Variants in COPE observed in about 807,000 individuals in gnomAD.
The protein encoded by COPE is coatomer subunit epsilon.
COPE carries 19 observed loss-of-function variants against 42.1 expected under a neutral mutation model. That is an observed-to-expected ratio of 0.45 (90% CI 0.31 to 0.66). COPE has a LOEUF of 0.66. Ranked by LOEUF, COPE falls within the 30% of genes least tolerant of loss-of-function variation. The pLI, the probability that COPE is intolerant of heterozygous loss-of-function variation, is 0.05. For missense variants in COPE, 402 were observed against 416.1 expected (o/e 0.97, Z 0.30); for synonymous variants, 195 against 181.3 (o/e 1.08, Z -0.60).
At position 18,911,070 on chromosome 19, in the gene COPE, C is replaced by G; in HGVS notation, c.191G>C (p.Arg64Thr). 1 of 1,613,854 alleles carries G rather than the reference C, an allele frequency of 6.2e-7. No homozygotes were observed. Residue 64 changes from arginine (R) to threonine (T), a missense_variant and splice_region_variant, in exon 3 of 10, where the codon AGG (arginine) becomes ACG (threonine). Coordinates refer to ENST00000262812, the MANE Select transcript of COPE (RefSeq NM_007263.4). Reference protein sequence around the residue: ...VFLYRAYLAQRKFGVVLDEIK... With the variant: ...VFLYRAYLAQTKFGVVLDEIK... The stretch of plus-strand genomic sequence containing the variant: ...CTCATCCAGGACCACACCGAACTTC[C>G]TCTGCAGTAGGGACGAGGCGTCAGC...
chr19:18,919,109 C>T (rs1238548428), intron 1 of COPE, 114 bp downstream of exon 1: 2 of 1,191,708 alleles, frequency 1.7e-6, no homozygotes, highest in African/African-American at 1.5e-5. Flanking sequence ...AGAGGTGGCC[C>T]AAAAAACGCG....
At position 18,900,442 on chromosome 19, in the gene COPE, C is replaced by T. The variant is rs1449749440; in HGVS notation, c.743G>A (p.Gly248Asp). ...GAGGTTGACCAGCGTCTCTGGGTAG[C>T]CACTATCCTGGAGACACAGGCAGAC... Reference protein sequence around the residue: ...LLQEALDKDSGYPETLVNLIV... With the variant: ...LLQEALDKDSDYPETLVNLIV... The change falls in exon 8 of 10, where the codon GGC becomes GAC. Residue 248 changes from glycine (G) to aspartate (D), a missense_variant. Gly to Asp is a moderately conservative substitution (Grantham distance 94, BLOSUM62 -1). Coordinates refer to ENST00000262812, the MANE Select transcript of COPE (RefSeq NM_007263.4). 1.3e-6 allele frequency: 2 copies of T among 1,548,634 alleles called. No individual in the cohort carries two copies. Among genetic ancestry groups the T allele is most frequent in the South Asian group, 1.2e-5 (1 of 83,918 alleles).
chr19:18,911,183 T>A (rs1601228323), intron 2 of COPE, 112 bp from the exon 3 acceptor site: 1 of 928,180 alleles, frequency 1.1e-6, no homozygotes, highest in Non-Finnish European at 1.8e-6. Context: ...CAGGGACCCC[T>A]CAGCCCAGCA....
At position 18,906,964 on chromosome 19, in the gene COPE, C is replaced by A; in HGVS notation, c.439G>T (p.Glu147Ter). 6.4e-7 allele frequency: 1 copy of A among 1,557,974 alleles called. No homozygotes were observed. The highest frequency in any genetic ancestry group is 8.7e-7 in the Non-Finnish European group (1 of 1,151,384). The change falls in exon 4 of 10, where the codon GAG becomes TAG. Residue 147 changes from glutamate (E) to a stop codon, truncating the protein, a stop_gained. Transcript: ENST00000262812. LOFTEE classifies it high-confidence loss of function. ...CAGAGCAGGGAGGCCACTCACCACT[C>A]CAGGCTGTCCCCCTGGTGCAGCGCA... is the stretch of plus-strand genomic sequence containing the variant. The part of the protein sequence containing the change: ...LRALHQGDSL[E>*]CTAMTVQILL...
intron 1 of COPE, among the ~76,000 whole-genome samples, chr19:18,917,241 CTTTTTTT>C (rs531312180): frequency 1.8e-4 from 20 of 110,700 alleles, no homozygotes; most frequent in African/African-American, 5.8e-4. Flanking sequence ...TTCTTTTTTT[CTTTTTTT>C]TTTTTTTTTT....
chr19:18,902,402 C>T (rs2056708101), intron 7 of COPE, among the ~76,000 whole-genome samples: 1 of 151,336 alleles, frequency 6.6e-6, no homozygotes, highest in African/African-American at 2.4e-5. Flanking sequence ...TGGTGGCTCA[C>T]GCCTATAATC....
chr19:18,899,593 G>T lies in COPE; in HGVS notation c.*86C>A. ...GTGGGCTCCTGCCCCCAGAGGGGATGCAGGTGGATGCCGGGTGGGGAGGGC... is the reference window on the plus strand; with the variant it reads ...GTGGGCTCCTGCCCCCAGAGGGGATTCAGGTGGATGCCGGGTGGGGAGGGC... On this transcript the variant is annotated 3_prime_UTR_variant, in exon 10 of 10. Coordinates refer to ENST00000262812, the MANE Select transcript of COPE (RefSeq NM_007263.4). 1 of 1,439,002 alleles carries T rather than the reference G, an allele frequency of 6.9e-7. No individual in the cohort carries two copies. Among genetic ancestry groups the T allele is most frequent in the Non-Finnish European group, 9.7e-7 (1 of 1,025,704 alleles). The allele number at this position is 1,439,002 out of a possible 1,614,324, so 89.1% of individuals were successfully genotyped here. A position where few individuals can be genotyped will look rare whatever the true frequency, so the allele number is the denominator to read the frequency against.
intron 4 of COPE, chr19:18,906,748 C>T: frequency 1.9e-6 from 1 of 537,452 alleles, no homozygotes; most frequent in South Asian, 2.7e-5. Context: ...AGCCTGGGCA[C>T]CGTGTCCTTG....
intron 1 of COPE, among the ~76,000 whole-genome samples, chr19:18,917,146 C>G (rs1306150449): frequency 6.7e-6 from 1 of 150,134 alleles, no homozygotes; most frequent in Non-Finnish European, 1.5e-5. Flanking sequence ...TCCATCATCT[C>G]TGTGTCTCAA....
Position 18,906,946 on chromosome 19 carries a change from G to A in COPE, c.443+14C>T, listed in dbSNP as rs766480770. The A allele has an allele frequency of 9.0e-6, 14 of 1,550,606 alleles. No homozygotes were observed. The highest frequency in any genetic ancestry group is 1.2e-5 in the South Asian group (1 of 84,160). ...GCCTCCCTGGGCTGGCCCCAGAGCA[G>A]GGAGGCCACTCACCACTCCAGGCTG... On this transcript the variant is annotated intron_variant, in intron 4 of 9. Transcript: ENST00000262812.
chr19:18,902,750 AGGAAGGAAG>A (rs1270239269), intron 7 of COPE, among the ~76,000 whole-genome samples: 1 of 48,566 alleles, frequency 2.1e-5, no homozygotes, highest in Non-Finnish European at 3.8e-5. Flanking sequence ...AAGGAAGGAA[AGGAAGGAAG>A]GAAGGAAGGG....
intron 1 of COPE, among the ~76,000 whole-genome samples, chr19:18,917,320 C>CT (rs2056863474): frequency 6.7e-6 from 1 of 149,136 alleles, no homozygotes; most frequent in Non-Finnish European, 1.5e-5. Flanking sequence ...AACACTGCCA[C>CT]TTTAAGTTCC....
rs2056745986 is a variant in COPE, at chr19:18,905,084, A to G, written c.498-232T>C. Among the ~76,000 whole-genome samples the G allele has an allele frequency of 2.6e-5, 4 of 152,112 alleles. No homozygotes were observed. In the South Asian group the frequency reaches 8.3e-4, roughly 31 times the overall value. ...GCTATGGCCCCCCAGGGTGGCCACC[A>G]CAAGGTAGAGCTCAGGAGAGACTCA... On this transcript the variant is annotated intron_variant, in intron 5 of 9. Coordinates refer to ENST00000262812, the MANE Select transcript of COPE (RefSeq NM_007263.4).
intron 5 of COPE, among the ~76,000 whole-genome samples, 161 bp downstream of exon 5, chr19:18,905,415 A>C (rs1395936021): frequency 2.0e-5 from 3 of 152,140 alleles, no homozygotes; most frequent in Admixed American, 2.0e-4. Context: ...CTCCCTGGCA[A>C]CATACTGCAG....
intron 7 of COPE, among the ~76,000 whole-genome samples, chr19:18,901,832 C>T (rs1251777255): frequency 6.6e-6 from 1 of 152,132 alleles, no homozygotes; most frequent in Non-Finnish European, 1.5e-5. Flanking sequence ...AAAAAACCCC[C>T]CAAAATTCGT....
At chr19:18,909,622 G>A (rs898242524) in intron 3 of COPE, among the ~76,000 whole-genome samples, 2 of 151,204 alleles carry the variant, frequency 1.3e-5, no homozygotes, top group African/African-American at 4.9e-5. Context: ...AGGTTCAAGC[G>A]ATTCTCCTGC....
At chr19:18,900,028 G>T in intron 8 of COPE, 81 bp from the exon 9 acceptor site, 1 of 1,273,938 alleles carries the variant, frequency 7.8e-7, no homozygotes, top group Non-Finnish European at 1.1e-6. Context: ...GGGTGGATTG[G>T]GGTGAGAGCC....
At chr19:18,910,334 G>T (rs556293600) in intron 3 of COPE, among the ~76,000 whole-genome samples, 1 of 152,300 alleles carries the variant, frequency 6.6e-6, no homozygotes, top group East Asian at 1.9e-4. Flanking sequence ...CTAGAAAACT[G>T]ATAGGATTTG....
chr19:18,919,121 GAAGAA>G (rs2056887265), intron 1 of COPE, 97 bp downstream of exon 1: 3 of 1,331,794 alleles, frequency 2.3e-6, no homozygotes, highest in Non-Finnish European at 3.1e-6. Flanking sequence ...AAAAACGCGA[GAAGAA>G]AAGAGAAAGT....
Sources: allele counts gnomAD v4.1 joint callset (sites outside exome capture counted in the v4.1 genomes callset), GRCh38; gene constraint gnomAD v4.1.1; transcripts MANE v1.5; gene names NCBI Gene and HGNC (gene_info 2026-07-23, HGNC 2026-07-21).